PALM2AKAP2: variants seen among roughly 807,000 people sequenced by gnomAD.
PALM2AKAP2 encodes the protein PALM2 and AKAP2 fusion.
Under a neutral mutation model 71.5 loss-of-function variants are expected in PALM2AKAP2, and 37 were observed. That is an observed-to-expected ratio of 0.52 (90% CI 0.40 to 0.68). The LOEUF is 0.68. Among genes scored for constraint, PALM2AKAP2 ranks in the 30% least tolerant of loss-of-function variants. The pLI, the probability that PALM2AKAP2 is intolerant of heterozygous loss-of-function variation, is 0.00. For synonymous variants in PALM2AKAP2, 468 were observed against 478.8 expected (o/e 0.98, Z 0.29); for missense variants, 1,224 against 1,191.8 (o/e 1.03, Z -0.40).
chr9:109,651,471 GTC>G (rs1448438550), intron 1 of PALM2AKAP2, among the ~76,000 whole-genome samples: 2 of 152,196 alleles, frequency 1.3e-5, no homozygotes, highest in Non-Finnish European at 2.9e-5. Context: ...TTGTAAAGCA[GTC>G]TCTTTATTAA....
At chr9:110,135,775 C>T (rs1331428405) in intron 1 of PALM2AKAP2, among the ~76,000 whole-genome samples, 1 of 152,148 alleles carries the variant, frequency 6.6e-6, no homozygotes, top group Non-Finnish European at 1.5e-5. Flanking sequence ...ACAAAAGGAC[C>T]TTCTTTTTGC....
At chr9:110,060,894 A>G (rs892097481) in intron 1 of PALM2AKAP2, among the ~76,000 whole-genome samples, 2 of 152,120 alleles carry the variant, frequency 1.3e-5, no homozygotes, top group African/African-American at 4.8e-5. Flanking sequence ...TTTTTACTCT[A>G]AATATTAAGT....
chr9:110,153,174 T>C (rs1234823790), intron 2 of PALM2AKAP2, among the ~76,000 whole-genome samples: 1 of 152,244 alleles, frequency 6.6e-6, no homozygotes, highest in Non-Finnish European at 1.5e-5. Context: ...GTCTTTGATG[T>C]TAAATGGCTG....
At chr9:109,796,611 T>C (rs941627688) in intron 1 of PALM2AKAP2, among the ~76,000 whole-genome samples, 2 of 152,188 alleles carry the variant, frequency 1.3e-5, no homozygotes, top group Non-Finnish European at 2.9e-5. Flanking sequence ...GATTCACAGT[T>C]CTGCATGTCT....
At chr9:110,052,304 G>A (rs1467965610) in intron 1 of PALM2AKAP2, among the ~76,000 whole-genome samples, 4 of 152,190 alleles carry the variant, frequency 2.6e-5, no homozygotes, top group Non-Finnish European at 5.9e-5. Flanking sequence ...TCATTGGCAT[G>A]AGCCTCACCC....
chr9:109,953,739 G>T (rs1359652830), intron 6 of PALM2AKAP2, among the ~76,000 whole-genome samples: 7 of 150,984 alleles, frequency 4.6e-5, no homozygotes, highest in Non-Finnish European at 1.0e-4. Context: ...GGAGGCTGAG[G>T]CCGGAGAATT....
Position 109,799,588 on chromosome 9 carries a change from C to T in PALM2AKAP2, c.45+19055C>T, listed in dbSNP as rs75745546. ...TACTCACTGCAGTCTTGACCACCTG[C>T]GCTCAAGTGATCCTCTCACTTCATC... On this transcript the variant is annotated intron_variant, in intron 1 of 9. Coordinates refer to the PALM2AKAP2 transcript ENST00000302798. Among the ~76,000 whole-genome samples, 393 of 152,238 alleles carry T rather than the reference C, an allele frequency of 2.6e-3. 5 individuals carry two copies. Among genetic ancestry groups the T allele is most frequent in the African/African-American group, 8.9e-3 (371 of 41,538 alleles).
intron 1 of PALM2AKAP2, among the ~76,000 whole-genome samples, chr9:110,070,924 G>A (rs545731061): frequency 6.6e-6 from 1 of 152,048 alleles, no homozygotes; most frequent in Admixed American, 6.6e-5. Flanking sequence ...CACTTTGGGA[G>A]GCTGACGTGG....
intron 1 of PALM2AKAP2, among the ~76,000 whole-genome samples, chr9:110,086,983 A>T (rs1834588930): frequency 6.6e-6 from 1 of 152,194 alleles, no homozygotes; most frequent in African/African-American, 2.4e-5. Context: ...CACTGTTTAC[A>T]CTCAAGTAAA....
In PALM2AKAP2 at chr9:110,105,380, C is replaced by A. The variant is rs186079035; in HGVS notation, c.157-30747C>A. Among the ~76,000 whole-genome samples the A allele has an allele frequency of 5.2e-3, 797 of 152,120 alleles. 13 individuals are homozygous for A. Among genetic ancestry groups the A allele is most frequent in the African/African-American group, 0.018 (753 of 41,476 alleles). On this transcript the variant is annotated intron_variant, in intron 1 of 3. Coordinates refer to ENST00000374525, the Ensembl canonical transcript of PALM2AKAP2. Reference sequence around the variant, plus strand: ...CTTAAAACTTGGTTGCTTTGTAGATCCTACTTGGGAATTGAATTAACTTCA... The same window carrying A: ...CTTAAAACTTGGTTGCTTTGTAGATACTACTTGGGAATTGAATTAACTTCA...
At chr9:109,797,675 G>A (rs1452919321) in intron 1 of PALM2AKAP2, among the ~76,000 whole-genome samples, 2 of 152,214 alleles carry the variant, frequency 1.3e-5, no homozygotes, top group Admixed American at 1.3e-4. Context: ...GCCAGGGCAG[G>A]GGCATGTGTG....
At chr9:109,941,546 G>A (rs1831367830) in intron 6 of PALM2AKAP2, among the ~76,000 whole-genome samples, 1 of 152,220 alleles carries the variant, frequency 6.6e-6, no homozygotes. Flanking sequence ...CTGTGGAATA[G>A]TTTTGATAGA....
intron 1 of PALM2AKAP2, among the ~76,000 whole-genome samples, chr9:109,785,903 A>G (rs982142578): frequency 3.1e-4 from 47 of 152,278 alleles, no homozygotes; most frequent in Middle Eastern, 3.4e-3. Flanking sequence ...CTGGGAGGAG[A>G]GGAGTGAGCT....
intron 1 of PALM2AKAP2, among the ~76,000 whole-genome samples, chr9:109,748,548 G>A (rs1274603573): frequency 6.6e-6 from 1 of 152,184 alleles, no homozygotes; most frequent in Non-Finnish European, 1.5e-5. Flanking sequence ...TAACATCATT[G>A]TATTGGAAAT....
At chr9:109,848,656 C>T (rs537518491) in intron 1 of PALM2AKAP2, among the ~76,000 whole-genome samples, 33 of 151,900 alleles carry the variant, frequency 2.2e-4, no homozygotes, top group African/African-American at 7.0e-4. Flanking sequence ...CAAGAATTGA[C>T]AGAGACTGGG....
chr9:110,157,766 C>T (rs1183764148), intron 3 of PALM2AKAP2, among the ~76,000 whole-genome samples: 1 of 152,134 alleles, frequency 6.6e-6, no homozygotes, highest in Non-Finnish European at 1.5e-5. Context: ...AACTTGAATG[C>T]TATGAAGTTC....
chr9:109,962,031 GGGAGAGA>G (rs1831860455), intron 6 of PALM2AKAP2, among the ~76,000 whole-genome samples: 1 of 152,220 alleles, frequency 6.6e-6, no homozygotes, highest in Admixed American at 6.5e-5. Flanking sequence ...AACATTGCAT[GGGAGAGA>G]GGAGCATGAC....
At chr9:109,859,123 T>G (rs1829246670) in intron 1 of PALM2AKAP2, among the ~76,000 whole-genome samples, 1 of 152,182 alleles carries the variant, frequency 6.6e-6, no homozygotes, top group Non-Finnish European at 1.5e-5. Context: ...AGGTTTTGGG[T>G]GTTAAATTAC....
chr9:109,732,828 G>T (rs1031231612), intron 1 of PALM2AKAP2, among the ~76,000 whole-genome samples: 1 of 152,196 alleles, frequency 6.6e-6, no homozygotes, highest in Non-Finnish European at 1.5e-5. Context: ...TCTTTCTGAG[G>T]TGGTGGAGCA....
Sources: allele counts gnomAD v4.1 joint callset (sites outside exome capture counted in the v4.1 genomes callset), GRCh38; gene constraint gnomAD v4.1.1; transcripts MANE v1.5; gene names NCBI Gene and HGNC (gene_info 2026-07-23, HGNC 2026-07-21).